The following INO80 variants were observed in gnomAD, a reference collection of about 807,000 sequenced individuals.
INO80 encodes the protein chromatin-remodeling ATPase INO80.
In INO80, 20 loss-of-function variants were observed where a neutral mutation model predicts 203.4. That is an observed-to-expected ratio of 0.10 (90% confidence interval 0.07 to 0.14). The LOEUF is 0.14. INO80 is among the 10% of genes least tolerant of loss of function. The pLI is 1.00. For missense variants in INO80, 1,419 were observed against 1,914.4 expected (o/e 0.74, Z 4.83); for synonymous variants, 726 against 685.2 (o/e 1.06, Z -0.93).
intron 25 of INO80, among the ~76,000 whole-genome samples, chr15:41,026,690 G>T (rs557125587): frequency 6.6e-6 from 1 of 152,298 alleles, no homozygotes; most frequent in South Asian, 2.1e-4. Context: ...CTGGCTAACG[G>T]AAAGTTGCCT....
chr15:41,021,152 GCT>G, intron 25 of INO80, 27 bp from the exon 26 acceptor site: 1 of 1,500,948 alleles, frequency 6.7e-7, no homozygotes, highest in Non-Finnish European at 9.3e-7. Context: ...ACATGAGATG[GCT>G]CTTTCACGTT....
intron 4 of INO80, among the ~76,000 whole-genome samples, chr15:41,092,883 C>T (rs2045665610): frequency 6.6e-6 from 1 of 152,002 alleles, no homozygotes; most frequent in African/African-American, 2.4e-5. Flanking sequence ...CTAATAAGAT[C>T]TCTTCTCTAC....
At chr15:41,094,869 C>A (rs911088474) in intron 4 of INO80, among the ~76,000 whole-genome samples, 1 of 152,172 alleles carries the variant, frequency 6.6e-6, no homozygotes, top group African/African-American at 2.4e-5. Context: ...CGACAGGTCA[C>A]AGTCAAAACA....
chr15:40,981,724 A>C (rs1893839383), intron 35 of INO80, among the ~76,000 whole-genome samples: 1 of 152,200 alleles, frequency 6.6e-6, no homozygotes, highest in South Asian at 2.1e-4. Context: ...TATAGCTACA[A>C]TCATCCTTCA....
intron 9 of INO80, among the ~76,000 whole-genome samples, chr15:41,074,996 C>T (rs1213157055): frequency 6.6e-6 from 1 of 152,132 alleles, no homozygotes; most frequent in Non-Finnish European, 1.5e-5. Context: ...TTCAGCATCC[C>T]AAAGTGCTGG....
At chr15:41,079,642 G>T in intron 9 of INO80, 59 bp downstream of exon 9, 1 of 1,445,982 alleles carries the variant, frequency 6.9e-7, no homozygotes. Flanking sequence ...AAATGCAAAC[G>T]AATCTCTTCA....
At chr15:41,093,162 C>CA (rs1267418780) in intron 4 of INO80, among the ~76,000 whole-genome samples, 1 of 152,106 alleles carries the variant, frequency 6.6e-6, no homozygotes, top group Admixed American at 6.6e-5. Context: ...CTCAGTGGCT[C>CA]ATGTCTGTAA....
At chr15:41,072,136 AAT>A (rs1262395608) in intron 11 of INO80, 78 bp from the exon 12 acceptor site, 1 of 935,298 alleles carries the variant, frequency 1.1e-6, no homozygotes, top group South Asian at 1.7e-5. Context: ...TCAAGATAAC[AAT>A]ATATCTACCC....
At position 41,049,835 on chromosome 15, in the gene INO80, G is replaced by A. The variant is rs945135896; in HGVS notation, c.2442+100C>T. ...TGGGAGCCAGAGGTTGCAGTGAGCC[G>A]AAATCACGCCATTGCACTCCAGCCT... On this transcript the variant is annotated intron_variant, in intron 20 of 35. Transcript: ENST00000648947. 11 of 1,119,020 alleles carry A rather than the reference G, an allele frequency of 9.8e-6. No individual in the cohort carries two copies. In the South Asian group the frequency reaches 1.0e-4, roughly 10 times the overall value. The allele number at this position is 1,119,020 out of a possible 1,614,324, so 69.3% of individuals were successfully genotyped here.
At chr15:40,993,780 A>AAAGAAG (rs1255446315) in intron 29 of INO80, among the ~76,000 whole-genome samples, 2 of 151,098 alleles carry the variant, frequency 1.3e-5, no homozygotes, top group African/African-American at 2.4e-5. Context: ...AAATAAATAA[A>AAAGAAG]AAGAAAAAGA....
At chr15:41,064,627 C>G (rs2045176348) in intron 14 of INO80, among the ~76,000 whole-genome samples, 1 of 152,174 alleles carries the variant, frequency 6.6e-6, no homozygotes, top group African/African-American at 2.4e-5. Context: ...GCTCAGAAAG[C>G]AATGAGTATC....
intron 19 of INO80, among the ~76,000 whole-genome samples, chr15:41,053,018 G>A (rs1174514914): frequency 4.6e-5 from 7 of 152,088 alleles, no homozygotes; most frequent in African/African-American, 1.4e-4. Context: ...GGGTGAAGGA[G>A]TAAGAACCTG....
At chr15:40,996,232 A>T (rs570378220) in intron 29 of INO80, among the ~76,000 whole-genome samples, 1 of 152,328 alleles carries the variant, frequency 6.6e-6, no homozygotes, top group East Asian at 1.9e-4. Flanking sequence ...CTTTTATAAA[A>T]TAATTTCCCA....
chr15:41,040,346 T>C (rs929492369), intron 24 of INO80, among the ~76,000 whole-genome samples: 9 of 152,140 alleles, frequency 5.9e-5, no homozygotes, highest in African/African-American at 1.9e-4. Flanking sequence ...GCTGTACTTA[T>C]TAAGATAGAG....
chr15:41,075,417 G>A (rs1271980743), intron 9 of INO80, among the ~76,000 whole-genome samples: 6 of 151,584 alleles, frequency 4.0e-5, no homozygotes, highest in African/African-American at 4.8e-5. Flanking sequence ...GACTATAGGC[G>A]TCCACCACAA....
chr15:41,026,182 A>G (rs1332358037), intron 25 of INO80, among the ~76,000 whole-genome samples: 1 of 152,222 alleles, frequency 6.6e-6, no homozygotes, highest in African/African-American at 2.4e-5. Context: ...CTGAATAAAG[A>G]ACGCAAGCTG....
At chr15:41,099,270 A>AAAAC (rs2045771876) in intron 1 of INO80, among the ~76,000 whole-genome samples, 5 of 124,508 alleles carry the variant, frequency 4.0e-5, no homozygotes, top group African/African-American at 1.2e-4. Context: ...AAAAAAAACA[A>AAAAC]ACACACACAC....
rs752053219 is a variant in INO80, at chr15:40,983,116, A to G, written c.4238-39T>C. Reference sequence around the variant, plus strand: ...TGGGCCAAAAGGGAAAGAAAAAAAAAAAAAGTCAATCTCCAAGATGTTAAC... The same window carrying G: ...TGGGCCAAAAGGGAAAGAAAAAAAAGAAAAGTCAATCTCCAAGATGTTAAC... On this transcript the variant is annotated intron_variant, in intron 34 of 35. Coordinates refer to ENST00000648947, the MANE Select transcript of INO80 (RefSeq NM_017553.3). The G allele has an allele frequency of 6.5e-6, 10 of 1,541,486 alleles. 1 individual carries two copies. In the East Asian group the frequency reaches 1.1e-4, roughly 17 times the overall value.
chr15:41,096,582 C>T (rs985475593), intron 1 of INO80, among the ~76,000 whole-genome samples: 6 of 152,178 alleles, frequency 3.9e-5, no homozygotes, highest in South Asian at 4.1e-4. Context: ...AACACAGTTA[C>T]ATTTCACAAT....
Sources: allele counts gnomAD v4.1 joint callset (sites outside exome capture counted in the v4.1 genomes callset), GRCh38; gene constraint gnomAD v4.1.1; transcripts MANE v1.5; gene names NCBI Gene and HGNC (gene_info 2026-07-23, HGNC 2026-07-21).